Variants in CLEC16A observed in about 807,000 individuals in gnomAD.
CLEC16A encodes protein CLEC16A.
In CLEC16A, 51 loss-of-function variants were observed where a neutral mutation model predicts 109.5. That is an observed-to-expected ratio of 0.47 (90% CI 0.37 to 0.59). The LOEUF (loss-of-function observed/expected upper bound fraction) is 0.59, where lower values mean the gene tolerates loss of function less well. CLEC16A is among the 20% of genes least tolerant of loss of function. The probability of loss-of-function intolerance (pLI) is 0.00; values close to 1 mark genes in which losing one functional copy is unlikely to be tolerated. For synonymous variants in CLEC16A, 673 were observed against 564.2 expected (o/e 1.19, Z -2.73); for missense variants, 1,339 against 1,394.0 (o/e 0.96, Z 0.63).
At chr16:11,066,000 G>A (rs2048734241) in intron 19 of CLEC16A, among the ~76,000 whole-genome samples, 1 of 152,236 alleles carries the variant, frequency 6.6e-6, no homozygotes, top group African/African-American at 2.4e-5. Flanking sequence ...GGGCCTTCGA[G>A]CTGCACTGGG....
intron 22 of CLEC16A, among the ~76,000 whole-genome samples, chr16:11,154,470 C>T (rs1039437031): frequency 2.0e-5 from 3 of 152,178 alleles, no homozygotes; most frequent in Admixed American, 6.5e-5. Flanking sequence ...TTTAAAGTTC[C>T]TTTAGAAAGG....
intron 19 of CLEC16A, among the ~76,000 whole-genome samples, chr16:11,102,940 C>T (rs1429734641): frequency 6.6e-6 from 1 of 152,250 alleles, no homozygotes; most frequent in African/African-American, 2.4e-5. Context: ...CGAGGTCCCA[C>T]ACTGGTAAGG....
chr16:11,023,168 C>T (rs1281030859), intron 12 of CLEC16A, among the ~76,000 whole-genome samples: 2 of 149,812 alleles, frequency 1.3e-5, no homozygotes, highest in African/African-American at 2.5e-5. Flanking sequence ...AAGCTTGGAC[C>T]GTATTGTGTC....
intron 22 of CLEC16A, among the ~76,000 whole-genome samples, chr16:11,153,685 C>T (rs138952759): frequency 1.3e-5 from 2 of 151,730 alleles, no homozygotes; most frequent in African/African-American, 2.4e-5. Context: ...GAGGGAAAAA[C>T]ATCTGACCCC....
intron 19 of CLEC16A, among the ~76,000 whole-genome samples, chr16:11,120,229 C>G (rs1419137530): frequency 1.3e-5 from 2 of 152,260 alleles, no homozygotes; most frequent in East Asian, 3.8e-4. Flanking sequence ...CCTTGGCCTC[C>G]CAAAGTGCTG....
At chr16:11,068,990 T>C (rs890013404) in intron 19 of CLEC16A, among the ~76,000 whole-genome samples, 11 of 150,390 alleles carry the variant, frequency 7.3e-5, no homozygotes, top group East Asian at 2.0e-4. Flanking sequence ...AATTTTCTTT[T>C]TTTTTTTTTT....
chr16:10,966,055 C>T (rs957774075), intron 3 of CLEC16A, among the ~76,000 whole-genome samples: 2 of 152,182 alleles, frequency 1.3e-5, no homozygotes, highest in African/African-American at 4.8e-5. Flanking sequence ...CCCTACTTCT[C>T]CCCCAGCAAG....
rs111616636 is a variant in CLEC16A, at chr16:11,079,050, C to G, written c.2116+18028C>G. ...CGTAATAGGTTGGGCCTCCTGGATG[C>G]TCCCCAGCCCTGCAGCCCTGCAGCC... On this transcript the variant is annotated intron_variant, in intron 19 of 23. Transcript: ENST00000409790. Among the ~76,000 whole-genome samples the G allele has an allele frequency of 6.7e-3, 1,027 of 152,278 alleles. 9 individuals are homozygous for G. The highest frequency in any genetic ancestry group is 0.022 in the African/African-American group (925 of 41,564).
At chr16:10,951,299 C>G (rs576120307) in intron 1 of CLEC16A, among the ~76,000 whole-genome samples, 169 of 152,312 alleles carry the variant, frequency 1.1e-3, no homozygotes, top group African/African-American at 3.8e-3. Context: ...TGGCTCTTTT[C>G]CAGACAAATG....
chr16:11,035,866 C>G (rs1226654939), intron 13 of CLEC16A, among the ~76,000 whole-genome samples: 1 of 152,118 alleles, frequency 6.6e-6, no homozygotes, highest in Non-Finnish European at 1.5e-5. Flanking sequence ...CTTCAAAACA[C>G]TGGATAGTTG....
In CLEC16A at chr16:11,178,861, G is replaced by A. The variant is rs2068869972; in HGVS notation, c.*171G>A. On this transcript the variant is annotated 3_prime_UTR_variant, in exon 24 of 24. Coordinates refer to ENST00000409790, the MANE Select transcript of CLEC16A (RefSeq NM_015226.3). The surrounding 1 kb of genome is among the most constrained non-coding windows in gnomAD (Gnocchi z 6.5). ...TGGGAAGAAGCCCCACGTTGTCCTT[G>A]AATTCCTTTTTCACTTTGCATCTCT... 3.6e-6 allele frequency: 2 copies of A among 559,970 alleles called. No individual in the cohort carries two copies. Among genetic ancestry groups the A allele is most frequent in the Non-Finnish European group, 6.2e-6 (2 of 323,600 alleles). 34.7% of individuals were successfully genotyped at this position (559,970 alleles called of 1,614,324 possible). A position where few individuals can be genotyped will look rare whatever the true frequency, so the allele number is the denominator to read the frequency against.
chr16:11,104,168 G>A (rs1460641733), intron 19 of CLEC16A, among the ~76,000 whole-genome samples: 2 of 152,138 alleles, frequency 1.3e-5, no homozygotes, highest in Non-Finnish European at 1.5e-5. Context: ...GAGTACAGTG[G>A]TACAATCTCA....
chr16:11,165,515 G>T (rs1342196570), intron 22 of CLEC16A, among the ~76,000 whole-genome samples: 3 of 152,072 alleles, frequency 2.0e-5, no homozygotes, highest in Non-Finnish European at 1.5e-5. Context: ...GAACAAACAT[G>T]TATACTGAGC....
intron 22 of CLEC16A, among the ~76,000 whole-genome samples, chr16:11,156,011 T>C (rs374606922): frequency 1.3e-5 from 2 of 152,152 alleles, no homozygotes; most frequent in Admixed American, 6.5e-5. Context: ...GCCTCCCTGC[T>C]TCTGGCCAAA....
chr16:11,020,092 T>G (rs2046005224), intron 11 of CLEC16A, 101 bp from the exon 12 acceptor site: 1 of 1,379,418 alleles, frequency 7.2e-7, no homozygotes, highest in Non-Finnish European at 9.8e-7. Context: ...TTGATGTGTT[T>G]GGAGTCATTT....
intron 13 of CLEC16A, among the ~76,000 whole-genome samples, chr16:11,032,089 A>T (rs1341382458): frequency 6.6e-6 from 1 of 152,212 alleles, no homozygotes; most frequent in African/African-American, 2.4e-5. Context: ...CCTGGTGGTG[A>T]GCATGGACTC....
intron 22 of CLEC16A, among the ~76,000 whole-genome samples, chr16:11,148,499 C>T (rs1345652179): frequency 6.6e-6 from 1 of 152,198 alleles, no homozygotes; most frequent in Non-Finnish European, 1.5e-5. Flanking sequence ...ACTTAATCCT[C>T]ACAATGATGT....
intron 15 of CLEC16A, 86 bp downstream of exon 15, chr16:11,042,449 G>T (rs1039679178): frequency 1.9e-6 from 2 of 1,071,794 alleles, no homozygotes; most frequent in East Asian, 2.7e-5. Flanking sequence ...CCAGATAGGA[G>T]CCCTGGCCCG....
intron 23 of CLEC16A, among the ~76,000 whole-genome samples, chr16:11,169,848 C>T (rs575866321): frequency 5.3e-4 from 81 of 152,294 alleles, no homozygotes; most frequent in African/African-American, 1.7e-3. Flanking sequence ...TGCTGTGTGG[C>T]GTCCCAGTAG....
Sources: gnomAD v4.1 joint callset for allele counts (sites outside exome capture counted in the v4.1 genomes callset) on GRCh38, gnomAD v4.1.1 for gene constraint, Gnocchi (gnomAD v3.1) non-coding constraint, MANE v1.5 for transcripts, NCBI Gene and HGNC (gene_info 2026-07-23, HGNC 2026-07-21) for gene names.